CCDC30: variants seen among roughly 807,000 people sequenced by gnomAD.
CCDC30 encodes the protein coiled-coil domain containing 30, also known as coiled-coil domain-containing protein 30.
In CCDC30, 70 loss-of-function variants were observed where a neutral mutation model predicts 100.2. The ratio of observed to expected loss-of-function variants is 0.70; its 90% CI spans 0.58 to 0.85. CCDC30 has a LOEUF of 0.85. CCDC30 is among the 40% of genes least tolerant of loss of function. The pLI is 0.00. For missense variants in CCDC30, 652 were observed against 771.2 expected (o/e 0.85, Z 1.83); for synonymous variants, 233 against 269.5 (o/e 0.86, Z 1.33).
At chr1:42,577,149 A>G (rs1271736726) in exon 8 of CCDC30, 4 of 1,613,998 alleles carry the variant, frequency 2.5e-6, no homozygotes, top group Non-Finnish European at 3.4e-6. Flanking sequence ...ACTTAAACAC[A>G]CTCAGAGCAT....
At chr1:42,644,295 A>T (rs1027504230) in intron 13 of CCDC30, among the ~76,000 whole-genome samples, 1 of 152,214 alleles carries the variant, frequency 6.6e-6, no homozygotes, top group East Asian at 1.9e-4. Context: ...AGCATCCAGC[A>T]TGGGAGAAAG....
At chr1:42,624,283 G>T (rs981013802) in intron 11 of CCDC30, among the ~76,000 whole-genome samples, 4 of 152,100 alleles carry the variant, frequency 2.6e-5, no homozygotes, top group African/African-American at 4.8e-5. Flanking sequence ...TTTATCAAAT[G>T]CTTTTCCAGC....
At chr1:42,554,109 G>A (rs1036954720) in intron 6 of CCDC30, among the ~76,000 whole-genome samples, 1 of 152,070 alleles carries the variant, frequency 6.6e-6, no homozygotes, top group Non-Finnish European at 1.5e-5. Flanking sequence ...GAATAGTCTT[G>A]AGGTCACTTT....
At chr1:42,558,542 T>G (rs11210669) in intron 6 of CCDC30, among the ~76,000 whole-genome samples, 32,589 of 152,082 alleles carry the variant, frequency 0.21, 4,555 homozygotes, top group Non-Finnish European at 0.29. Flanking sequence ...ATTATCCATA[T>G]CTTAAGATGA....
At chr1:42,513,620 T>C (rs547308971) in intron 6 of CCDC30, among the ~76,000 whole-genome samples, 1 of 152,306 alleles carries the variant, frequency 6.6e-6, no homozygotes, top group East Asian at 1.9e-4. Context: ...AGACTGCTCT[T>C]TGTTAGAAAA....
At chr1:42,473,268 G>C in intron 1 of CCDC30, 1 of 1,231,568 alleles carries the variant, frequency 8.1e-7, no homozygotes, top group Non-Finnish European at 1.0e-6. Flanking sequence ...AGATGTAGAA[G>C]AGCTTATAGT....
intron 1 of CCDC30, among the ~76,000 whole-genome samples, chr1:42,472,128 C>T (rs903434321): frequency 6.6e-6 from 1 of 152,228 alleles, no homozygotes; most frequent in East Asian, 1.9e-4. Flanking sequence ...GTGGCACACA[C>T]CTGTAATCCC....
At chr1:42,479,042 T>C (rs1643916401) in intron 1 of CCDC30, among the ~76,000 whole-genome samples, 1 of 152,190 alleles carries the variant, frequency 6.6e-6, no homozygotes, top group Non-Finnish European at 1.5e-5. Context: ...TAACACTTCC[T>C]GATTTCAAGA....
chr1:42,641,564 AC>A (rs1647395407), intron 12 of CCDC30, among the ~76,000 whole-genome samples: 1 of 147,886 alleles, frequency 6.8e-6, no homozygotes, highest in Admixed American at 6.7e-5. Context: ...AAACAAAAAA[AC>A]AAAAAAAAAC....
intron 8 of CCDC30, chr1:42,580,996 G>T: frequency 2.7e-6 from 1 of 365,990 alleles, no homozygotes; most frequent in South Asian, 2.1e-5. Context: ...TCACCACCAC[G>T]CCCGGCTAAT....
At chr1:42,538,369 A>G (rs1283939468) in intron 6 of CCDC30, among the ~76,000 whole-genome samples, 1 of 151,868 alleles carries the variant, frequency 6.6e-6, no homozygotes, top group African/African-American at 2.4e-5. Context: ...AAAACATCAG[A>G]GGATTAAAGA....
chr1:42,562,764 A>G (rs1645518647), intron 6 of CCDC30, among the ~76,000 whole-genome samples: 1 of 152,226 alleles, frequency 6.6e-6, no homozygotes. Flanking sequence ...TTTACAAGAA[A>G]AAAACAACCC....
intron 6 of CCDC30, chr1:42,500,394 C>A: frequency 1.8e-6 from 2 of 1,125,510 alleles, no homozygotes; most frequent in Middle Eastern, 5.8e-4. Flanking sequence ...GTCTGGTCTG[C>A]GCAGTGGCCA....
chr1:42,472,612 A>T (rs1477848690), intron 1 of CCDC30, among the ~76,000 whole-genome samples: 1 of 152,170 alleles, frequency 6.6e-6, no homozygotes, highest in Non-Finnish European at 1.5e-5. Context: ...GACTTTTCAG[A>T]TAAAAGTTGC....
At chr1:42,497,847 T>C (rs1644252739) in intron 5 of CCDC30, among the ~76,000 whole-genome samples, 1 of 152,186 alleles carries the variant, frequency 6.6e-6, no homozygotes, top group South Asian at 2.1e-4. Flanking sequence ...TCTAAAGTAG[T>C]GCAGCCACCA....
At chr1:42,479,566 T>TAA (rs34698340) in intron 1 of CCDC30, among the ~76,000 whole-genome samples, 1 of 135,450 alleles carries the variant, frequency 7.4e-6, no homozygotes, top group Non-Finnish European at 1.6e-5. Flanking sequence ...GACATATGCT[T>TAA]AAAAAAAAAA....
At chr1:42,540,065 C>T (rs922549407) in intron 6 of CCDC30, among the ~76,000 whole-genome samples, 5 of 152,164 alleles carry the variant, frequency 3.3e-5, no homozygotes, top group African/African-American at 9.7e-5. Context: ...TTCCTTTCCT[C>T]GATCACTCTT....
At chr1:42,614,706 G>A (rs1249825076) in intron 11 of CCDC30, among the ~76,000 whole-genome samples, 1 of 151,484 alleles carries the variant, frequency 6.6e-6, no homozygotes, top group Admixed American at 6.6e-5. Flanking sequence ...AGGACCACTT[G>A]AGCCCAGGAG....
At chr1:42,516,601 T>A (rs1209142513) in intron 6 of CCDC30, among the ~76,000 whole-genome samples, 1 of 150,696 alleles carries the variant, frequency 6.6e-6, no homozygotes, top group Non-Finnish European at 1.5e-5. Flanking sequence ...GAATCTGACT[T>A]CCTTGGTTTC....
Sources: gnomAD v4.1 joint callset for allele counts (sites outside exome capture counted in the v4.1 genomes callset) on GRCh38, gnomAD v4.1.1 for gene constraint, MANE v1.5 for transcripts, NCBI Gene and HGNC (gene_info 2026-07-23, HGNC 2026-07-21) for gene names.